DGKH: variants seen among roughly 807,000 people sequenced by gnomAD.
The protein encoded by DGKH is diacylglycerol kinase eta.
A neutral mutation model predicts 159.3 loss-of-function variants in DGKH; 90 were observed. The ratio of observed to expected loss-of-function variants is 0.57; its 90% CI spans 0.48 to 0.67. The LOEUF is 0.67. Among genes scored for constraint, DGKH ranks in the 30% least tolerant of loss-of-function variants. DGKH has a pLI of 0.00. For synonymous variants in DGKH, 536 were observed against 553.8 expected (o/e 0.97, Z 0.45); for missense variants, 1,181 against 1,506.1 (o/e 0.78, Z 3.57).
At chr13:42,254,609 C>T (rs896768985) in intron 30 of DGKH, among the ~76,000 whole-genome samples, 13 of 137,352 alleles carry the variant, frequency 9.5e-5, no homozygotes, top group African/African-American at 3.3e-4. Flanking sequence ...CTCCACTAGG[C>T]AACAAAAGCA....
chr13:42,154,917 T>C (rs2137952439), intron 3 of DGKH, among the ~76,000 whole-genome samples: 1 of 152,268 alleles, frequency 6.6e-6, no homozygotes, highest in South Asian at 2.1e-4. Context: ...ATTGCATTCC[T>C]TTGATTTTTA....
chr13:42,220,954 G>A (rs924776698), intron 28 of DGKH, among the ~76,000 whole-genome samples: 2 of 152,192 alleles, frequency 1.3e-5, no homozygotes, highest in Admixed American at 1.3e-4. Context: ...TTGCACCATT[G>A]ATCCTAATGA....
At chr13:42,115,734 G>T (rs1036501616) in intron 1 of DGKH, among the ~76,000 whole-genome samples, 2 of 152,210 alleles carry the variant, frequency 1.3e-5, no homozygotes, top group African/African-American at 2.4e-5. Context: ...AAAGAGTCTT[G>T]TATGACCAGC....
At chr13:42,143,471 A>T (rs530828309) in intron 3 of DGKH, among the ~76,000 whole-genome samples, 43 of 152,310 alleles carry the variant, frequency 2.8e-4, no homozygotes, top group African/African-American at 1.0e-3. Context: ...TTCAGAAGGA[A>T]TAGTACCAGC....
intron 14 of DGKH, 70 bp from the exon 15 acceptor site, chr13:42,188,966 T>C: frequency 6.6e-7 from 1 of 1,525,542 alleles, no homozygotes. Flanking sequence ...TCTATAAAAA[T>C]TTCTTGTACT....
chr13:42,162,257 T>A (rs1446898415), intron 7 of DGKH, among the ~76,000 whole-genome samples: 3 of 152,190 alleles, frequency 2.0e-5, no homozygotes, highest in Non-Finnish European at 4.4e-5. Flanking sequence ...ATGCCTGTAA[T>A]CCCAGCACCT....
At chr13:42,184,917 A>G (rs1213825868) in intron 13 of DGKH, among the ~76,000 whole-genome samples, 2 of 151,602 alleles carry the variant, frequency 1.3e-5, no homozygotes, top group Non-Finnish European at 2.9e-5. Flanking sequence ...TTGATTAAAG[A>G]TATAATTAGG....
At chr13:42,075,731 C>A (rs1954082884) in intron 1 of DGKH, among the ~76,000 whole-genome samples, 1 of 152,164 alleles carries the variant, frequency 6.6e-6, no homozygotes, top group Admixed American at 6.5e-5. Context: ...ATCATGGTTA[C>A]CATGGCAAGC....
At chr13:42,118,108 T>A (rs1010299459) in intron 1 of DGKH, among the ~76,000 whole-genome samples, 5 of 151,880 alleles carry the variant, frequency 3.3e-5, no homozygotes, top group Non-Finnish European at 5.9e-5. Context: ...TCCCAGCTAC[T>A]CGGGAGGCTG....
At chr13:42,109,963 C>A (rs895625138) in intron 1 of DGKH, among the ~76,000 whole-genome samples, 1 of 152,062 alleles carries the variant, frequency 6.6e-6, no homozygotes, top group Non-Finnish European at 1.5e-5. Context: ...CTATCTATAT[C>A]TATCTATCTA....
chr13:42,111,511 C>T (rs549170345), intron 1 of DGKH, among the ~76,000 whole-genome samples: 22 of 152,128 alleles, frequency 1.4e-4, no homozygotes, highest in African/African-American at 5.1e-4. Context: ...ACCTGGGAGG[C>T]GGAGGTTGCA....
At chr13:42,124,335 A>G (rs747135029) in intron 1 of DGKH, among the ~76,000 whole-genome samples, 1 of 152,190 alleles carries the variant, frequency 6.6e-6, no homozygotes, top group Non-Finnish European at 1.5e-5. Context: ...AGAAATTTAT[A>G]TCATTTATGT....
At chr13:42,056,521 T>C (rs1469499515) in intron 1 of DGKH, among the ~76,000 whole-genome samples, 1 of 152,264 alleles carries the variant, frequency 6.6e-6, no homozygotes, top group African/African-American at 2.4e-5. Flanking sequence ...AGCAGTTTTC[T>C]ATACATGATC....
In DGKH at chr13:42,218,786, G is replaced by C. The variant is rs143160935; in HGVS notation, c.3214-444G>C. 2.3e-3 allele frequency among the ~76,000 whole-genome samples: 345 copies of C among 152,180 alleles called. 2 individuals carry two copies. Among genetic ancestry groups the C allele is most frequent in the African/African-American group, 7.9e-3 (328 of 41,520 alleles). On this transcript the variant is annotated intron_variant, in intron 26 of 29. Coordinates refer to ENST00000337343, the MANE Select transcript of DGKH (RefSeq NM_178009.5). The stretch of plus-strand genomic sequence containing the variant: ...GGCCTCCCAAAGTGCTGGGATTATG[G>C]GCATGAGCTATCATGCCCAGCCTGG...
At position 42,187,137 on chromosome 13, in the gene DGKH, G is replaced by A. The variant is rs1001640522; in HGVS notation, c.1627G>A (p.Val543Met). The A allele has an allele frequency of 1.4e-5, 22 of 1,613,692 alleles. No individual in the cohort carries two copies. The highest frequency in any genetic ancestry group is 1.9e-5 in the Non-Finnish European group (22 of 1,179,768). The change falls in exon 14 of 30, where the codon GTG becomes ATG. Residue 543 changes from valine to methionine, a missense_variant. Val to Met is a conservative substitution (Grantham distance 21, BLOSUM62 1). This residue lies in a region of DGKH where 257 missense variants were observed against 281.5 expected (regional missense o/e 0.91). Transcript: ENST00000337343. ...TLENAVVADA[V>M]ASKCSVLNEK... ...GGAAAATGCCGTTGTAGCTGATGCC[G>A]TGGCCAGTAAAGTAAGAGGGGACTC...
At chr13:42,255,673 G>GA (rs1404230227) in intron 30 of DGKH, among the ~76,000 whole-genome samples, 51 of 152,028 alleles carry the variant, frequency 3.4e-4, no homozygotes, top group Non-Finnish European at 3.1e-4. Context: ...TATGAAAAAA[G>GA]AAAAAATATT....
At chr13:42,064,763 A>G (rs1017656536) in intron 1 of DGKH, among the ~76,000 whole-genome samples, 4 of 152,202 alleles carry the variant, frequency 2.6e-5, no homozygotes, top group Admixed American at 2.6e-4. Context: ...TTTGCTGGGG[A>G]AAATCTCTAG....
intron 29 of DGKH, among the ~76,000 whole-genome samples, chr13:42,251,301 C>T (rs577018808): frequency 1.1e-4 from 16 of 152,232 alleles, no homozygotes; most frequent in African/African-American, 3.4e-4. Context: ...CATGGCAAAA[C>T]ACCGTCTGTA....
intron 13 of DGKH, among the ~76,000 whole-genome samples, chr13:42,182,508 A>G (rs1031391641): frequency 5.3e-5 from 8 of 152,154 alleles, no homozygotes; most frequent in African/African-American, 1.4e-4. Flanking sequence ...TATAACCTAC[A>G]CACATCCTTC....
Sources: gnomAD v4.1 joint callset for allele counts (sites outside exome capture counted in the v4.1 genomes callset) on GRCh38, gnomAD v4.1.1 for gene constraint, gnomAD v4.1.1 regional missense constraint, MANE v1.5 for transcripts, NCBI Gene and HGNC (gene_info 2026-07-23, HGNC 2026-07-21) for gene names.